CHST11: variants seen among roughly 807,000 people sequenced by gnomAD.
CHST11 encodes carbohydrate sulfotransferase 11, also known as C4S-1.
A neutral mutation model predicts 30.4 loss-of-function variants in CHST11; 9 were observed. That is an observed-to-expected ratio of 0.30 (90% confidence interval 0.18 to 0.52). CHST11 has a LOEUF of 0.52. CHST11 is among the 20% of genes least tolerant of loss of function. The pLI is 0.97. For missense variants in CHST11, 348 were observed against 460.6 expected (o/e 0.76, Z 2.24); for synonymous variants, 152 against 187.8 (o/e 0.81, Z 1.56).
chr12:104,586,822 A>G (rs2038809952), intron 1 of CHST11, among the ~76,000 whole-genome samples: 2 of 152,260 alleles, frequency 1.3e-5, no homozygotes, highest in Admixed American at 1.3e-4. Flanking sequence ...AAATGTAATT[A>G]ATATGATCTG....
Position 104,457,199 on chromosome 12 carries a change from T to C in CHST11, c.-213T>C. On this transcript the variant is annotated 5_prime_UTR_variant, in exon 1 of 3. Transcript: ENST00000303694. The stretch of plus-strand genomic sequence containing the variant: ...AGCGCGCAGCCAGCGGGTCCACGCA[T>C]CTCAGCACTTCCAGACCAACTCCGG... The C allele has an allele frequency of 2.3e-6, 1 of 443,390 alleles. No homozygotes were observed. The highest frequency in any genetic ancestry group is 3.5e-5 in the East Asian group (1 of 28,558). 27.5% of individuals were successfully genotyped at this position (443,390 alleles called of 1,614,324 possible).
chr12:104,473,915 TCACCACCACCAC>T (rs781715469), intron 1 of CHST11, among the ~76,000 whole-genome samples: 3 of 151,466 alleles, frequency 2.0e-5, no homozygotes, highest in African/African-American at 7.3e-5. Flanking sequence ...ATCACCATCA[TCACCACCACCAC>T]CACCACCACC....
intron 1 of CHST11, among the ~76,000 whole-genome samples, chr12:104,524,043 T>C (rs1461737714): frequency 1.2e-4 from 17 of 145,378 alleles, no homozygotes; most frequent in East Asian, 3.9e-4. Context: ...TTCTTTCTTT[T>C]TTTTTTTTTT....
intron 2 of CHST11, among the ~76,000 whole-genome samples, chr12:104,720,393 C>T (rs1048867609): frequency 6.6e-6 from 1 of 152,222 alleles, no homozygotes; most frequent in Non-Finnish European, 1.5e-5. Context: ...GCGTCCAAGG[C>T]GTTTGGTGCT....
At chr12:104,579,453 G>A (rs1245496266) in intron 1 of CHST11, among the ~76,000 whole-genome samples, 1 of 152,198 alleles carries the variant, frequency 6.6e-6, no homozygotes, top group Non-Finnish European at 1.5e-5. Context: ...TAACCTCCCT[G>A]ACCTTGGATT....
intron 1 of CHST11, among the ~76,000 whole-genome samples, chr12:104,488,583 ATGTATGCGTATG>A (rs1364126983): frequency 1.6e-5 from 2 of 128,312 alleles, no homozygotes; most frequent in Non-Finnish European, 3.3e-5. Context: ...ATGTGTGTGT[ATGTATGCGTATG>A]TATGCGTATG....
rs770436444 is a variant in CHST11, at chr12:104,720,982, G to A, written c.205-35967G>A. Among the ~76,000 whole-genome samples, 7 of 152,176 alleles carry A rather than the reference G, an allele frequency of 4.6e-5. No homozygotes were observed. The East Asian group carries it at 5.8e-4, about 13-fold the overall frequency. On this transcript the variant is annotated intron_variant, in intron 2 of 2. Coordinates refer to ENST00000303694, the MANE Select transcript of CHST11 (RefSeq NM_018413.6). Reference sequence around the variant, plus strand: ...GAAACCATCTCATGTGCCCCGCAGCGTTTGCTCCAGGGCCGGGGCTGGTCC... The same window carrying A: ...GAAACCATCTCATGTGCCCCGCAGCATTTGCTCCAGGGCCGGGGCTGGTCC...
In CHST11 at chr12:104,571,925, G is replaced by C. The variant is rs190098681; in HGVS notation, c.119-29981G>C. Among the ~76,000 whole-genome samples the C allele has an allele frequency of 3.1e-4, 47 of 152,210 alleles. No individual in the cohort carries two copies. The South Asian group carries it at 6.2e-3, about 20-fold the overall frequency. On this transcript the variant is annotated intron_variant, in intron 1 of 2. Transcript: ENST00000303694. The stretch of plus-strand genomic sequence containing the variant: ...TTTATTGAGAGTTTTTAGCATGAAG[G>C]GTTGTTGAATTTTGTCAAAGGCCTT...
At position 104,600,741 on chromosome 12, in the gene CHST11, A is replaced by G. The variant is rs1325160389; in HGVS notation, c.119-1165A>G. Among the ~76,000 whole-genome samples, 1 of 152,192 alleles carries G rather than the reference A, an allele frequency of 6.6e-6. No homozygotes were observed. Among genetic ancestry groups the G allele is most frequent in the African/African-American group, 2.4e-5 (1 of 41,440 alleles). ...CAGGTGAATTCTTTAGGCTCATGAA[A>G]GGATCTAGTTTTCCTTGTTCCACTC... On this transcript the variant is annotated intron_variant, in intron 1 of 2. Coordinates refer to ENST00000303694, the MANE Select transcript of CHST11 (RefSeq NM_018413.6). This position sits in a 1 kb window ranked among gnomAD's most constrained non-coding sequence, Gnocchi z 4.1.
chr12:104,486,660 C>T (rs910796377), intron 1 of CHST11, among the ~76,000 whole-genome samples: 4 of 151,992 alleles, frequency 2.6e-5, no homozygotes, highest in African/African-American at 7.3e-5. Flanking sequence ...TGACCACACA[C>T]GAAAGCCTCA....
intron 1 of CHST11, among the ~76,000 whole-genome samples, chr12:104,475,585 G>C (rs1228945318): frequency 6.9e-6 from 1 of 145,282 alleles, no homozygotes; most frequent in African/African-American, 2.5e-5. Context: ...CAAGGGGCAA[G>C]GTTGGTGGCC....
intron 1 of CHST11, among the ~76,000 whole-genome samples, chr12:104,575,570 A>G (rs1250226782): frequency 6.6e-6 from 1 of 152,212 alleles, no homozygotes; most frequent in East Asian, 1.9e-4. Flanking sequence ...GCCTGGGAGC[A>G]GGAACATCTG....
chr12:104,605,035 A>C (rs970901556), intron 2 of CHST11, among the ~76,000 whole-genome samples: 13 of 136,954 alleles, frequency 9.5e-5, no homozygotes, highest in Non-Finnish European at 1.8e-4. Context: ...CTAGTAATAA[A>C]CAGAGTGAAA....
chr12:104,638,466 A>G (rs529615670), intron 2 of CHST11, among the ~76,000 whole-genome samples: 1 of 152,282 alleles, frequency 6.6e-6, no homozygotes, highest in East Asian at 1.9e-4. Context: ...GCCCTTCCCA[A>G]TGGAGTGGGA....
chr12:104,679,979 C>T (rs1034367066), intron 2 of CHST11, among the ~76,000 whole-genome samples: 1 of 152,138 alleles, frequency 6.6e-6, no homozygotes, highest in Non-Finnish European at 1.5e-5. Context: ...TCTGCTGGAC[C>T]ACCTTATAAT....
Position 104,516,503 on chromosome 12 carries a change from A to C in CHST11, c.118+58974A>C, listed in dbSNP as rs528856991. On this transcript the variant is annotated intron_variant, in intron 1 of 2. Transcript: ENST00000303694. ...CAATGAGGTGGATATCATTTCCTCCATCCACTTTTAGGCGTGGTTGGAATT... is the reference window on the plus strand; with the variant it reads ...CAATGAGGTGGATATCATTTCCTCCCTCCACTTTTAGGCGTGGTTGGAATT... 2.6e-5 allele frequency among the ~76,000 whole-genome samples: 4 copies of C among 152,096 alleles called. No homozygotes were observed. In the South Asian group the frequency reaches 8.3e-4, roughly 32 times the overall value.
At chr12:104,617,765 T>C (rs913589137) in intron 2 of CHST11, among the ~76,000 whole-genome samples, 2 of 152,228 alleles carry the variant, frequency 1.3e-5, no homozygotes, top group Non-Finnish European at 2.9e-5. Context: ...CCTCTGTGCC[T>C]CAGTTTCTTT....
intron 2 of CHST11, among the ~76,000 whole-genome samples, chr12:104,727,053 T>C (rs577854486): frequency 6.6e-6 from 1 of 152,308 alleles, no homozygotes; most frequent in African/African-American, 2.4e-5. Context: ...TGTGGATAAG[T>C]GGGTCTCTAG....
intron 1 of CHST11, among the ~76,000 whole-genome samples, chr12:104,575,723 G>A (rs1474013694): frequency 1.3e-5 from 2 of 152,080 alleles, no homozygotes; most frequent in South Asian, 2.1e-4. Context: ...CCGAGCCACA[G>A]AGTGGTCCTC....
Sources: allele counts gnomAD v4.1 joint callset (sites outside exome capture counted in the v4.1 genomes callset), GRCh38; gene constraint gnomAD v4.1.1; non-coding constraint Gnocchi (gnomAD v3.1); transcripts MANE v1.5; gene names NCBI Gene and HGNC (gene_info 2026-07-23, HGNC 2026-07-21).